Variants in CDH8 observed in about 807,000 individuals in gnomAD.
The protein encoded by CDH8 is cadherin 8.
A neutral mutation model predicts 68.1 loss-of-function variants in CDH8; 17 were observed. That is an observed-to-expected ratio of 0.25 (90% confidence interval 0.17 to 0.37). CDH8 has a LOEUF of 0.37. Among genes scored for constraint, CDH8 ranks in the 10% least tolerant of loss-of-function variants. The pLI is 1.00. For synonymous variants in CDH8, 372 were observed against 365.1 expected (o/e 1.02, Z -0.21); for missense variants, 763 against 999.3 (o/e 0.76, Z 3.19).
At chr16:61,751,344 G>A (rs992367710) in intron 8 of CDH8, among the ~76,000 whole-genome samples, 11 of 123,026 alleles carry the variant, frequency 8.9e-5, no homozygotes, top group African/African-American at 3.0e-4. Context: ...AAACTCTGAG[G>A]TTAAGTAGTT....
In CDH8 at chr16:61,912,718, A is replaced by T. The variant is rs1275989842; in HGVS notation, c.253-11245T>A. 2.0e-5 allele frequency among the ~76,000 whole-genome samples: 3 copies of T among 152,118 alleles called. No homozygotes were observed. The East Asian group carries it at 5.8e-4, about 29-fold the overall frequency. ...CTTGGGCAGGTCACCTACATTTTTT[A>T]ATATTAATTTCCTTTTATTCAAATG... On this transcript the variant is annotated intron_variant, in intron 2 of 11. Coordinates refer to ENST00000577390, the MANE Select transcript of CDH8 (RefSeq NM_001796.5).
chr16:61,800,168 T>C (rs1034360332), intron 7 of CDH8, among the ~76,000 whole-genome samples: 3 of 152,208 alleles, frequency 2.0e-5, no homozygotes, highest in Non-Finnish European at 4.4e-5. Context: ...TATATTCAAA[T>C]GATGTGCTTA....
chr16:61,865,766 C>T (rs934734666), intron 3 of CDH8, among the ~76,000 whole-genome samples: 15 of 152,108 alleles, frequency 9.9e-5, no homozygotes, highest in Non-Finnish European at 1.8e-4. Context: ...GGAATCAAAC[C>T]TTTGCTAATT....
At chr16:61,982,360 C>T (rs996500666) in intron 2 of CDH8, among the ~76,000 whole-genome samples, 3 of 152,126 alleles carry the variant, frequency 2.0e-5, no homozygotes, top group Non-Finnish European at 1.5e-5. Flanking sequence ...GCTGGGACTA[C>T]AGGCGCCCGC....
At chr16:61,721,455 T>C (rs903830970) in intron 9 of CDH8, among the ~76,000 whole-genome samples, 42 of 150,856 alleles carry the variant, frequency 2.8e-4, no homozygotes, top group African/African-American at 9.9e-4. Context: ...AACTTCATTT[T>C]ATTGTTTCAC....
chr16:61,819,393 G>T (rs780178962), intron 6 of CDH8, among the ~76,000 whole-genome samples: 1 of 151,936 alleles, frequency 6.6e-6, no homozygotes, highest in Admixed American at 6.6e-5. Context: ...CAAAAAAAAT[G>T]GGAATAATAA....
At position 61,810,766 on chromosome 16, in the gene CDH8, G is replaced by A. The variant is rs142505880; in HGVS notation, c.1277+6713C>T. 2.0e-3 allele frequency among the ~76,000 whole-genome samples: 302 copies of A among 152,240 alleles called. 11 individuals carry two copies. In the East Asian group the frequency reaches 0.051, roughly 26 times the overall value. On this transcript the variant is annotated intron_variant, in intron 7 of 11. Transcript: ENST00000577390. ...AGGCTGAGAGCAGTAGCTCACGCCT[G>A]TAATCCAAGAACTTTGGGAGGCCGA...
chr16:61,846,715 T>C (rs1350112405), intron 4 of CDH8, among the ~76,000 whole-genome samples: 1 of 152,140 alleles, frequency 6.6e-6, no homozygotes, highest in Non-Finnish European at 1.5e-5. Context: ...TTCACATAGT[T>C]ACTAAGAAAA....
At chr16:61,923,463 G>A (rs1964406526) in intron 2 of CDH8, among the ~76,000 whole-genome samples, 2 of 151,974 alleles carry the variant, frequency 1.3e-5, no homozygotes, top group Non-Finnish European at 1.5e-5. Context: ...AAAATTATAG[G>A]GTTGGCATCA....
chr16:61,709,145 G>A (rs1037116216), intron 10 of CDH8, among the ~76,000 whole-genome samples: 4 of 152,010 alleles, frequency 2.6e-5, no homozygotes, highest in Non-Finnish European at 5.9e-5. Context: ...AACAAGAGAT[G>A]TTTCTTTTAG....
intron 10 of CDH8, among the ~76,000 whole-genome samples, chr16:61,671,188 C>A (rs971624069): frequency 1.3e-5 from 2 of 152,018 alleles, no homozygotes; most frequent in African/African-American, 2.4e-5. Flanking sequence ...TACTCTAAAT[C>A]AACTAAATAA....
rs542101156 is a variant in CDH8 at position 61,744,496 on chromosome 16, T to C, written c.1415-17281A>G. On this transcript the variant is annotated intron_variant, in intron 8 of 11. Transcript: ENST00000577390. ...ACAGCTTTATCTGTGATAAGAGACA[T>C]GATCTGTGTCTTGCTTCCTTTTTAA... is the stretch of plus-strand genomic sequence containing the variant. Among the ~76,000 whole-genome samples, 3 of 152,154 alleles carry C rather than the reference T, an allele frequency of 2.0e-5. No individual in the cohort carries two copies. The East Asian group carries it at 5.8e-4, about 29-fold the overall frequency.
intron 2 of CDH8, among the ~76,000 whole-genome samples, chr16:61,921,135 G>A (rs1964359295): frequency 6.8e-6 from 1 of 147,806 alleles, no homozygotes; most frequent in Non-Finnish European, 1.5e-5. Context: ...GGATAGCATT[G>A]GGAGATATAC....
At chr16:61,776,176 A>G (rs1329859565) in intron 8 of CDH8, among the ~76,000 whole-genome samples, 1 of 152,144 alleles carries the variant, frequency 6.6e-6, no homozygotes, top group East Asian at 1.9e-4. Context: ...AGTCCTTACC[A>G]TAAGTTAGGC....
chr16:61,892,123 T>A (rs761815008), intron 3 of CDH8, among the ~76,000 whole-genome samples: 3 of 152,166 alleles, frequency 2.0e-5, no homozygotes, highest in Non-Finnish European at 4.4e-5. Context: ...GGATAAAATA[T>A]GTACTGGGCA....
chr16:61,657,920 T>TAATTCATA (rs1453023987), intron 10 of CDH8, among the ~76,000 whole-genome samples: 19 of 152,228 alleles, frequency 1.2e-4, no homozygotes, highest in African/African-American at 4.6e-4. Flanking sequence ...AATTCATACT[T>TAATTCATA]CTATAAATAT....
intron 2 of CDH8, among the ~76,000 whole-genome samples, chr16:61,948,091 A>G (rs1597083341): frequency 1.3e-5 from 2 of 152,208 alleles, no homozygotes; most frequent in East Asian, 3.9e-4. Context: ...AAATCAATCA[A>G]TCATACAAAC....
At chr16:61,852,808 A>G (rs1962962723) in intron 4 of CDH8, among the ~76,000 whole-genome samples, 1 of 151,352 alleles carries the variant, frequency 6.6e-6, no homozygotes, top group East Asian at 2.0e-4. Context: ...CTTCTTTTGC[A>G]CATCCCTCCC....
rs375379639 is a variant in CDH8 at position 61,850,205 on chromosome 16, G to C, written c.667+6914C>G. On this transcript the variant is annotated intron_variant, in intron 4 of 11. Coordinates refer to ENST00000577390, the MANE Select transcript of CDH8 (RefSeq NM_001796.5). ...TTTTACTCATGGCAGAAGGTGAAGA[G>C]GGAGCAAGGCATGTCACATGGCAAG... 3.0e-4 allele frequency among the ~76,000 whole-genome samples: 45 copies of C among 152,148 alleles called. No homozygotes were observed. In the East Asian group the frequency reaches 5.3e-3, roughly 18 times the overall value.
Sources: allele counts gnomAD v4.1 joint callset (sites outside exome capture counted in the v4.1 genomes callset), GRCh38; gene constraint gnomAD v4.1.1; transcripts MANE v1.5; gene names NCBI Gene and HGNC (gene_info 2026-07-23, HGNC 2026-07-21).